Variants in UGT1A7 observed in about 807,000 individuals in gnomAD.
The protein encoded by UGT1A7 is UDP glucuronosyltransferase family 1 member A7.
Under a neutral mutation model 45.6 loss-of-function variants are expected in UGT1A7, and 33 were observed. That is an observed-to-expected ratio of 0.72 (90% CI 0.55 to 0.97). UGT1A7 has a LOEUF of 0.97. Ranked by LOEUF, UGT1A7 falls within the 50% of genes least tolerant of loss-of-function variation. UGT1A7 has a pLI of 0.00. For missense variants in UGT1A7, 684 were observed against 666.2 expected (o/e 1.03, Z -0.29); for synonymous variants, 274 against 250.6 (o/e 1.09, Z -0.88).
chr2:233,701,273 T>A (rs1241801591), intron 1 of UGT1A7, among the ~76,000 whole-genome samples: 2 of 152,178 alleles, frequency 1.3e-5, no homozygotes, highest in African/African-American at 4.8e-5. Context: ...TTTCTAGTTC[T>A]AGATCCTTGA....
chr2:233,747,477 T>G lies in UGT1A7; in HGVS notation c.856-19557T>G, dbSNP rs1368203969. 4 of 1,608,578 alleles carry G rather than the reference T, an allele frequency of 2.5e-6. No homozygotes were observed. In the Admixed American group the frequency reaches 6.7e-5, roughly 27 times the overall value. Reference sequence around the variant, plus strand: ...TGCCATTTCATGGACCCAGGATGAATTTGATCGCCTTGTGCTGGGCCACAC... The same window carrying G: ...TGCCATTTCATGGACCCAGGATGAAGTTGATCGCCTTGTGCTGGGCCACAC... On this transcript the variant is annotated intron_variant, in intron 1 of 4. Transcript: ENST00000373426.
chr2:233,716,479 C>T (rs977353468), intron 1 of UGT1A7, among the ~76,000 whole-genome samples: 2 of 152,108 alleles, frequency 1.3e-5, no homozygotes, highest in African/African-American at 4.8e-5. Context: ...TTCTGTCCTC[C>T]GTAGTCTTCT....
Position 233,729,398 on chromosome 2 carries a change from G to C in UGT1A7, c.856-37636G>C, listed in dbSNP as rs540607993. The C allele has an allele frequency of 2.5e-6, 4 of 1,613,536 alleles. No homozygotes were observed. The Admixed American group carries it at 5.0e-5, about 20-fold the overall frequency. ...TCGTGGACCCAGGATGAATTTGATCGCCATGTGCTGGGCCACACTCAACTG... is the reference window on the plus strand; with the variant it reads ...TCGTGGACCCAGGATGAATTTGATCCCCATGTGCTGGGCCACACTCAACTG... On this transcript the variant is annotated intron_variant, in intron 1 of 4. Transcript: ENST00000373426.
intron 1 of UGT1A7, chr2:233,730,033 A>G (rs1166211754): frequency 6.2e-7 from 1 of 1,613,140 alleles, no homozygotes; most frequent in African/African-American, 1.3e-5. Flanking sequence ...GTTCCAGGCA[A>G]AACACTTTTT....
At chr2:233,766,899 A>T in intron 1 of UGT1A7, 135 bp from the exon 2 acceptor site, 2 of 1,486,470 alleles carry the variant, frequency 1.3e-6, no homozygotes, top group Non-Finnish European at 1.8e-6. Flanking sequence ...CATATTAATA[A>T]TTTTTTACTC....
intron 1 of UGT1A7, among the ~76,000 whole-genome samples, chr2:233,730,680 C>A (rs1218688522): frequency 6.6e-6 from 1 of 152,088 alleles, no homozygotes; most frequent in Admixed American, 6.6e-5. Context: ...GTAATGGTTG[C>A]ATCTCAAATG....
intron 4 of UGT1A7, 143 bp downstream of exon 4, chr2:233,768,582 CTTTTTTTTTTTTT>C (rs139595073): frequency 1.1e-5 from 11 of 1,033,176 alleles, no homozygotes; most frequent in Non-Finnish European, 9.8e-6. Context: ...TTTATTTCTT[CTTTTTTTTTTTTT>C]TTTTTTTTTG....
intron 1 of UGT1A7, among the ~76,000 whole-genome samples, chr2:233,756,741 C>T (rs1366742518): frequency 6.6e-6 from 1 of 152,100 alleles, no homozygotes; most frequent in Admixed American, 6.6e-5. Context: ...TTCACCTCCT[C>T]CTTATTCTCT....
chr2:233,713,288 G>T (rs767329942), intron 1 of UGT1A7: 6 of 1,614,202 alleles, frequency 3.7e-6, no homozygotes, highest in Non-Finnish European at 5.1e-6. Context: ...ACACTCAATC[G>T]TTCTTTGAAA....
intron 1 of UGT1A7, among the ~76,000 whole-genome samples, chr2:233,694,903 AC>A (rs1197699388): frequency 6.6e-6 from 1 of 152,248 alleles, no homozygotes; most frequent in Admixed American, 6.5e-5. Context: ...ATATTTTGAT[AC>A]ACGTATACAA....
chr2:233,754,686 T>C, intron 1 of UGT1A7: 1 of 484,820 alleles, frequency 2.1e-6, no homozygotes, highest in Non-Finnish European at 4.0e-6. Flanking sequence ...ATCAACTATT[T>C]CAGTGGAAGT....
Position 233,772,777 on chromosome 2 carries a change from T to C in UGT1A7, c.*218T>C. The stretch of plus-strand genomic sequence containing the variant: ...TATGTATCGTGCCCCCTCTGGTGTC[T>C]TTGATCAGGATGACATGTGCCATTT... On this transcript the variant is annotated 3_prime_UTR_variant, in exon 5 of 5. Coordinates refer to ENST00000373426, the MANE Select transcript of UGT1A7 (RefSeq NM_019077.3). 8.4e-6 allele frequency: 11 copies of C among 1,302,124 alleles called. No individual in the cohort carries two copies. The highest frequency in any genetic ancestry group is 1.1e-5 in the Non-Finnish European group (11 of 988,102). 80.7% of individuals were successfully genotyped at this position (1,302,124 alleles called of 1,614,324 possible). A position where few individuals can be genotyped will look rare whatever the true frequency, so the allele number is the denominator to read the frequency against.
chr2:233,771,547 G>A (rs1443760906), intron 4 of UGT1A7: 1 of 152,190 alleles, frequency 6.6e-6, no homozygotes, highest in Non-Finnish European at 1.5e-5. Context: ...ACTTACAAAT[G>A]GCTGTTAATT....
chr2:233,731,982 T>C (rs936253936), intron 1 of UGT1A7, among the ~76,000 whole-genome samples: 5 of 152,356 alleles, frequency 3.3e-5, no homozygotes, highest in Admixed American at 2.0e-4. Context: ...CCATTCTAAC[T>C]GGCGTGAGAT....
intron 1 of UGT1A7, among the ~76,000 whole-genome samples, chr2:233,752,870 C>T (rs896364354): frequency 6.6e-6 from 1 of 152,212 alleles, no homozygotes; most frequent in Non-Finnish European, 1.5e-5. Flanking sequence ...TGTTAGCTTT[C>T]AACTGTTAAA....
In UGT1A7 at chr2:233,772,261, G is replaced by A. The variant is rs1212085876; in HGVS notation, c.1296-1G>A. On this transcript the variant is annotated splice_acceptor_variant, in intron 4 of 4. Coordinates refer to ENST00000373426, the MANE Select transcript of UGT1A7 (RefSeq NM_019077.3). LOFTEE classifies it high-confidence loss of function. ...CATAACGAAACTGTCTTTGTGTTTA[G>A]TTACAAGGAGAACATCATGCGCCTC... The A allele has an allele frequency of 1.9e-5, 30 of 1,614,162 alleles. No homozygotes were observed. Among genetic ancestry groups the A allele is most frequent in the Non-Finnish European group, 2.5e-5 (30 of 1,180,064 alleles).
Position 233,769,502 on chromosome 2 carries a change from T to C in UGT1A7, c.1295+1063T>C, listed in dbSNP as rs1443648635. The C allele has an allele frequency of 1.2e-6, 2 of 1,612,762 alleles. No individual in the cohort carries two copies. On this transcript the variant is annotated intron_variant, in intron 4 of 4. Transcript: ENST00000373426. The surrounding 1 kb of genome is among the most constrained non-coding windows in gnomAD (Gnocchi z 4.4). Reference sequence around the variant, plus strand: ...GTGCGTGTGTTTATGAGAGTGTCCATTGCTTTCTCCCATGGTTACCTCCTT... The same window carrying C: ...GTGCGTGTGTTTATGAGAGTGTCCACTGCTTTCTCCCATGGTTACCTCCTT...
rs747059242 is a variant in UGT1A7 at position 233,693,604 on chromosome 2, A to T, written c.855+10812A>T. The T allele has an allele frequency of 7.4e-6, 12 of 1,614,100 alleles. No individual in the cohort carries two copies. The South Asian group carries it at 1.2e-4, about 16-fold the overall frequency. On this transcript the variant is annotated intron_variant, in intron 1 of 4. Transcript: ENST00000373426. ...TTCCCAGGTGCTACACAAAGTTTTC[A>T]GACCACATGACTTTTTCCCAACGAG... is the stretch of plus-strand genomic sequence containing the variant.
chr2:233,743,701 C>T (rs13009407), intron 1 of UGT1A7: 1 of 1,367,252 alleles, frequency 7.3e-7, no homozygotes, highest in Admixed American at 1.9e-5. Context: ...CGCCCTCCGC[C>T]CCCGCCTCGC....
Sources: gnomAD v4.1 joint callset for allele counts (sites outside exome capture counted in the v4.1 genomes callset) on GRCh38, gnomAD v4.1.1 for gene constraint, Gnocchi (gnomAD v3.1) non-coding constraint, MANE v1.5 for transcripts, NCBI Gene and HGNC (gene_info 2026-07-23, HGNC 2026-07-21) for gene names.